LMAN2: variants seen among roughly 807,000 people sequenced by gnomAD.
LMAN2 encodes vesicular integral-membrane protein VIP36.
In LMAN2, 22 loss-of-function variants were observed where a neutral mutation model predicts 39.3. That is an observed-to-expected ratio of 0.56 (90% confidence interval 0.40 to 0.80). The LOEUF is 0.80. LMAN2 is among the 30% of genes least tolerant of loss of function. The probability of loss-of-function intolerance (pLI) is 0.00; values close to 1 mark genes in which losing one functional copy is unlikely to be tolerated. For synonymous variants in LMAN2, 207 were observed against 207.8 expected, an observed-to-expected ratio of 1.00 and a Z score of 0.03; for missense variants, 494 against 505.4, an observed-to-expected ratio of 0.98 and a Z score of 0.22.
At chr5:177,342,117 TAA>T (rs1214073297) in intron 2 of LMAN2, among the ~76,000 whole-genome samples, 1 of 152,062 alleles carries the variant, frequency 6.6e-6, no homozygotes, top group Non-Finnish European at 1.5e-5. Context: ...AAATGCTAAA[TAA>T]AAAAACAAAA....
intron 2 of LMAN2, among the ~76,000 whole-genome samples, chr5:177,341,945 A>G (rs1034879727): frequency 6.6e-6 from 1 of 152,224 alleles, no homozygotes; most frequent in African/African-American, 2.4e-5. Flanking sequence ...AGAAAAGAGC[A>G]TATAACTTTC....
At position 177,337,108 on chromosome 5, in the gene LMAN2, G is replaced by C; in HGVS notation, c.790+28C>G. 6.4e-7 allele frequency: 1 copy of C among 1,562,542 alleles called. No homozygotes were observed. Among genetic ancestry groups the C allele is most frequent in the Non-Finnish European group, 8.8e-7 (1 of 1,137,730 alleles). On this transcript the variant is annotated intron_variant, in intron 6 of 7. Coordinates refer to ENST00000303127, the MANE Select transcript of LMAN2 (RefSeq NM_006816.3). The surrounding 1 kb of genome is among the most constrained non-coding windows in gnomAD (Gnocchi z 8.2). The stretch of plus-strand genomic sequence containing the variant: ...AGTCCCTCAGGGTGAGCTGGGCTGG[G>C]AACCAACGCCTGGCCCGGCCCACTC...
intron 6 of LMAN2, chr5:177,336,900 A>AAGCT: frequency 3.5e-6 from 2 of 573,298 alleles, no homozygotes; most frequent in Non-Finnish European, 6.2e-6. Flanking sequence ...AACCACAGGA[A>AAGCT]CTGAGGCCCG....
Position 177,341,997 on chromosome 5 carries a change from TA to T in LMAN2, c.316-3393del, listed in dbSNP as rs566664078. Reference sequence around the variant, plus strand: ...AAAAATAGGATAATAAAAATTAACCTAAAAGAAGACTAGAGAGAAAAATGAA... The same window carrying T: ...AAAAATAGGATAATAAAAATTAACCTAAAGAAGACTAGAGAGAAAAATGAA... On this transcript the variant is annotated intron_variant, in intron 2 of 7. Transcript: ENST00000303127. Among the ~76,000 whole-genome samples, 165 of 152,208 alleles carry T rather than the reference TA, an allele frequency of 1.1e-3. 3 individuals are homozygous for T. The South Asian group carries it at 0.034, about 31-fold the overall frequency.
chr5:177,337,589 C>T lies in LMAN2; in HGVS notation c.514-65G>A. On this transcript the variant is annotated intron_variant, in intron 4 of 7. Transcript: ENST00000303127. This position sits in a 1 kb window ranked among gnomAD's most constrained non-coding sequence, Gnocchi z 8.2. Reference sequence around the variant, plus strand: ...CTGTGGGGCGAGCAGGGGCACCCACCACCCCAATCCCTGGAGGCTCCTCTT... The same window carrying T: ...CTGTGGGGCGAGCAGGGGCACCCACTACCCCAATCCCTGGAGGCTCCTCTT... The T allele has an allele frequency of 6.2e-7, 1 of 1,606,808 alleles. No homozygotes were observed. Among genetic ancestry groups the T allele is most frequent in the Non-Finnish European group, 8.5e-7 (1 of 1,175,040 alleles).
At chr5:177,344,861 G>A (rs1319831004) in intron 2 of LMAN2, among the ~76,000 whole-genome samples, 1 of 151,154 alleles carries the variant, frequency 6.6e-6, no homozygotes, top group Non-Finnish European at 1.5e-5. Context: ...AGCCGAGATC[G>A]CGCCACTGCA....
chr5:177,337,733 G>A lies in LMAN2; in HGVS notation c.486C>T (p.Asp162=), dbSNP rs1385436976. The change falls in exon 4 of 8, where the codon GAC becomes GAT. Residue 162 remains aspartate, a synonymous_variant. Coordinates refer to ENST00000303127, the MANE Select transcript of LMAN2 (RefSeq NM_006816.3). The surrounding 1 kb of genome is among the most constrained non-coding windows in gnomAD (Gnocchi z 8.2). Reference sequence around the variant, plus strand: ...CAGTGGTCTCATCATTGGGGTAGGTGTCCAGGAAGATGGCTAAGCCGTGGA... The same window carrying A: ...CAGTGGTCTCATCATTGGGGTAGGTATCCAGGAAGATGGCTAAGCCGTGGA... The part of the protein sequence containing the change: ...DNFHGLAIFL[D]TYPNDETTER... 3.1e-6 allele frequency: 5 copies of A among 1,613,942 alleles called. No homozygotes were observed. The African/African-American group carries it at 4.0e-5, about 13-fold the overall frequency.
chr5:177,337,627 T>C lies in LMAN2; in HGVS notation c.513+79A>G. 5.0e-6 allele frequency: 8 copies of C among 1,601,878 alleles called. No individual in the cohort carries two copies. The highest frequency in any genetic ancestry group is 6.8e-6 in the Non-Finnish European group (8 of 1,171,988). ...GGAGGCTCCTCTTGTGCTGGGACCA[T>C]GGAAGTCCCAGGGCCCCCTCCTCTA... is the stretch of plus-strand genomic sequence containing the variant. On this transcript the variant is annotated intron_variant, in intron 4 of 7. Coordinates refer to ENST00000303127, the MANE Select transcript of LMAN2 (RefSeq NM_006816.3). This position sits in a 1 kb window ranked among gnomAD's most constrained non-coding sequence, Gnocchi z 8.2.
At chr5:177,336,864 G>A in intron 6 of LMAN2, 1 of 537,844 alleles carries the variant, frequency 1.9e-6, no homozygotes, top group East Asian at 3.3e-5. Flanking sequence ...AAAGGAGGAG[G>A]AGGAACACAG....
intron 2 of LMAN2, chr5:177,346,285 G>C (rs980962628): frequency 3.5e-6 from 1 of 286,914 alleles, no homozygotes; most frequent in African/African-American, 2.2e-5. Context: ...TCCTTGTGAA[G>C]GTTCTAACAC....
At chr5:177,336,453 T>G (rs540631410) in intron 6 of LMAN2, among the ~76,000 whole-genome samples, 1 of 152,008 alleles carries the variant, frequency 6.6e-6, no homozygotes, top group Non-Finnish European at 1.5e-5. Context: ...CGAGAGACTG[T>G]TGGGGGCTGG....
At chr5:177,335,599 C>G (rs1761457733) in intron 6 of LMAN2, among the ~76,000 whole-genome samples, 1 of 152,160 alleles carries the variant, frequency 6.6e-6, no homozygotes, top group Non-Finnish European at 1.5e-5. Context: ...TTCCAGGCAA[C>G]CCGGGGCAGG....
chr5:177,332,370 C>A lies in LMAN2; in HGVS notation c.911-124G>T, dbSNP rs1408222774. 22 of 863,546 alleles carry A rather than the reference C, an allele frequency of 2.5e-5. No individual in the cohort carries two copies. The highest frequency in any genetic ancestry group is 2.4e-5 in the Admixed American group (1 of 41,206). The allele number at this position is 863,546 out of a possible 1,614,324, so 53.5% of individuals were successfully genotyped here. A position where few individuals can be genotyped will look rare whatever the true frequency, so the allele number is the denominator to read the frequency against. On this transcript the variant is annotated intron_variant, in intron 7 of 7. Transcript: ENST00000303127. This position sits in a 1 kb window ranked among gnomAD's most constrained non-coding sequence, Gnocchi z 6.3. ...GTGGGCAGGCCGGTCGTACTCACCCCCCTCACCGGGGAGGGGCAGAGGTCA... is the reference window on the plus strand; with the variant it reads ...GTGGGCAGGCCGGTCGTACTCACCCACCTCACCGGGGAGGGGCAGAGGTCA...
rs772517405 is a variant in LMAN2, at chr5:177,337,701, C to A, written c.513+5G>T. 2.5e-6 allele frequency: 4 copies of A among 1,613,566 alleles called. No homozygotes were observed. Among genetic ancestry groups the A allele is most frequent in the African/African-American group, 1.3e-5 (1 of 74,872 alleles). On this transcript the variant is annotated splice_donor_5th_base_variant and intron_variant, in intron 4 of 7. Coordinates refer to ENST00000303127, the MANE Select transcript of LMAN2 (RefSeq NM_006816.3). The surrounding 1 kb of genome is among the most constrained non-coding windows in gnomAD (Gnocchi z 8.2). ...CCTGCTCAGCAGGATAGAGCAGGGG[C>A]CTACCTCAGTGGTCTCATCATTGGG...
chr5:177,351,123 G>T (rs760639629), intron 2 of LMAN2, 50 bp downstream of exon 2: 7 of 1,533,448 alleles, frequency 4.6e-6, no homozygotes, highest in Non-Finnish European at 6.3e-6. Context: ...CGGGAGGCAG[G>T]GACTAGCAGC....
intron 2 of LMAN2, among the ~76,000 whole-genome samples, chr5:177,343,162 G>A (rs1301703760): frequency 6.6e-6 from 1 of 152,138 alleles, no homozygotes; most frequent in Non-Finnish European, 1.5e-5. Flanking sequence ...GGCTGAGGCA[G>A]GAAAATCACT....
chr5:177,337,412 C>G lies in LMAN2; in HGVS notation c.626G>C (p.Arg209Pro). 1 of 1,613,280 alleles carries G rather than the reference C, an allele frequency of 6.2e-7. No homozygotes were observed. Among genetic ancestry groups the G allele is most frequent in the Non-Finnish European group, 8.5e-7 (1 of 1,180,016 alleles). Residue 209 changes from arginine (R) to proline (P), a missense_variant, in exon 5 of 8, where the codon CGC becomes CCC. Coordinates refer to ENST00000303127, the MANE Select transcript of LMAN2 (RefSeq NM_006816.3). The surrounding 1 kb of genome is among the most constrained non-coding windows in gnomAD (Gnocchi z 8.2). Reference protein sequence around the residue: ...LAGCTADFRNRDHDTFLAVRY... With the variant: ...LAGCTADFRNPDHDTFLAVRY... Reference sequence around the variant, plus strand: ...CACAGCCAGGAAGGTGTCGTGATCGCGGTTGCGGAAGTCAGCCGTGCAGCC... The same window carrying G: ...CACAGCCAGGAAGGTGTCGTGATCGGGGTTGCGGAAGTCAGCCGTGCAGCC...
chr5:177,336,526 A>G (rs771398980), intron 6 of LMAN2, among the ~76,000 whole-genome samples: 1 of 152,200 alleles, frequency 6.6e-6, no homozygotes, highest in East Asian at 1.9e-4. Flanking sequence ...GCCGCCAGGT[A>G]GTCAGGGAGG....
chr5:177,336,949 A>T, intron 6 of LMAN2, 187 bp downstream of exon 6: 1 of 603,866 alleles, frequency 1.7e-6, no homozygotes, highest in Non-Finnish European at 2.9e-6. Context: ...GGAGGAACAC[A>T]GCCAGGTGAG....
Sources: allele counts gnomAD v4.1 joint callset (sites outside exome capture counted in the v4.1 genomes callset), GRCh38; gene constraint gnomAD v4.1.1; non-coding constraint Gnocchi (gnomAD v3.1); transcripts MANE v1.5; gene names NCBI Gene and HGNC (gene_info 2026-07-23, HGNC 2026-07-21).